TMCC1: variants seen among roughly 807,000 people sequenced by gnomAD.
The protein encoded by TMCC1 is transmembrane and coiled-coil domain family 1.
TMCC1 carries 15 observed loss-of-function variants against 52.4 expected under a neutral mutation model. The ratio of observed to expected loss-of-function variants is 0.29; its 90% CI spans 0.19 to 0.44. The LOEUF is 0.44. TMCC1 is among the 20% of genes least tolerant of loss of function. The probability of loss-of-function intolerance (pLI) is 1.00; values close to 1 mark genes in which losing one functional copy is unlikely to be tolerated. For missense variants in TMCC1, 503 were observed against 806.0 expected (o/e 0.62, Z 4.55); for synonymous variants, 279 against 301.9 (o/e 0.92, Z 0.79).
At chr3:129,853,237 C>T (rs1384665775) in intron 2 of TMCC1, among the ~76,000 whole-genome samples, 3 of 152,046 alleles carry the variant, frequency 2.0e-5, no homozygotes, top group African/African-American at 7.2e-5. Flanking sequence ...CACTGCAGTA[C>T]ATAAACAAAT....
intron 4 of TMCC1, among the ~76,000 whole-genome samples, chr3:129,797,136 T>G (rs2056882575): frequency 6.6e-6 from 1 of 151,938 alleles, no homozygotes; most frequent in Non-Finnish European, 1.5e-5. Flanking sequence ...CCATCCTGGC[T>G]AACACGGTGT....
chr3:129,651,357 A>G lies in TMCC1; in HGVS notation c.*124T>C. Reference sequence around the variant, plus strand: ...TCTTGAAGAAAAAAACATTATTCTAAATGTAAACAGATTCACTCAACTCTT... The same window carrying G: ...TCTTGAAGAAAAAAACATTATTCTAGATGTAAACAGATTCACTCAACTCTT... On this transcript the variant is annotated 3_prime_UTR_variant, in exon 7 of 7. Transcript: ENST00000393238. The surrounding 1 kb of genome is among the most constrained non-coding windows in gnomAD (Gnocchi z 5.1). The G allele has an allele frequency of 9.1e-7, 1 of 1,098,262 alleles. No individual in the cohort carries two copies. The highest frequency in any genetic ancestry group is 1.3e-6 in the Non-Finnish European group (1 of 767,580). The allele number at this position is 1,098,262 out of a possible 1,614,324, so 68.0% of individuals were successfully genotyped here.
intron 4 of TMCC1, among the ~76,000 whole-genome samples, chr3:129,746,004 G>T (rs147608952): frequency 9.2e-4 from 139 of 151,062 alleles, no homozygotes; most frequent in African/African-American, 3.2e-3. Flanking sequence ...TGATCCTCCC[G>T]CCTCAGCCTC....
chr3:129,828,501 A>G lies in TMCC1; in HGVS notation c.-123T>C, dbSNP rs2058755708. The stretch of plus-strand genomic sequence containing the variant: ...CATGCAGCTGTGAGACGAAGGCTTC[A>G]TGCCTATCTAATGTTAAAAACAAAA... On this transcript the variant is annotated 5_prime_UTR_variant, in exon 4 of 7. The change abolishes an upstream ATG in the 5' untranslated region. Coordinates refer to ENST00000393238, the MANE Select transcript of TMCC1 (RefSeq NM_001017395.5). The surrounding 1 kb of genome is among the most constrained non-coding windows in gnomAD (Gnocchi z 4.1). 1.1e-6 allele frequency: 1 copy of G among 871,006 alleles called. No individual in the cohort carries two copies. The highest frequency in any genetic ancestry group is 1.8e-5 in the South Asian group (1 of 54,514). 54.0% of individuals were successfully genotyped at this position (871,006 alleles called of 1,614,324 possible). A position where few individuals can be genotyped will look rare whatever the true frequency, so the allele number is the denominator to read the frequency against.
At chr3:129,749,074 A>G (rs1463153338) in intron 4 of TMCC1, among the ~76,000 whole-genome samples, 1 of 152,162 alleles carries the variant, frequency 6.6e-6, no homozygotes, top group African/African-American at 2.4e-5. Flanking sequence ...TGAGTTGTCA[A>G]TAAGGAAACA....
At chr3:129,802,923 T>G (rs561759747) in intron 4 of TMCC1, among the ~76,000 whole-genome samples, 2 of 152,188 alleles carry the variant, frequency 1.3e-5, no homozygotes, top group African/African-American at 2.4e-5. Context: ...AAAAAGAAAT[T>G]TATTTACAGT....
intron 4 of TMCC1, among the ~76,000 whole-genome samples, chr3:129,783,017 G>C (rs2055664413): frequency 6.6e-6 from 1 of 152,062 alleles, no homozygotes; most frequent in Non-Finnish European, 1.5e-5. Flanking sequence ...TGAGTAACAG[G>C]CAACGTGATT....
At chr3:129,675,159 C>T (rs1296658699) in intron 4 of TMCC1, among the ~76,000 whole-genome samples, 3 of 152,160 alleles carry the variant, frequency 2.0e-5, no homozygotes, top group African/African-American at 7.2e-5. Context: ...TAACTCACTC[C>T]AGATAGACAA....
chr3:129,855,711 G>A (rs573319303), intron 2 of TMCC1, among the ~76,000 whole-genome samples: 4 of 152,272 alleles, frequency 2.6e-5, no homozygotes, highest in African/African-American at 9.6e-5. Context: ...CTATTCTAAA[G>A]CCTGAGTATG....
At chr3:129,835,719 A>G (rs1210605461) in intron 2 of TMCC1, among the ~76,000 whole-genome samples, 3 of 152,216 alleles carry the variant, frequency 2.0e-5, no homozygotes, top group Non-Finnish European at 4.4e-5. Flanking sequence ...GAGTGAGTAC[A>G]TACTGCATAT....
intron 4 of TMCC1, among the ~76,000 whole-genome samples, chr3:129,748,740 C>T (rs965451706): frequency 3.5e-4 from 53 of 152,064 alleles, no homozygotes; most frequent in African/African-American, 3.6e-4. Flanking sequence ...GGGTAGCTCA[C>T]GTCTGTAATC....
intron 4 of TMCC1, among the ~76,000 whole-genome samples, chr3:129,800,508 T>C (rs2057120021): frequency 6.6e-6 from 1 of 152,094 alleles, no homozygotes; most frequent in Non-Finnish European, 1.5e-5. Flanking sequence ...TTTAATTGGA[T>C]CCATTCTGGT....
chr3:129,747,459 T>C (rs1039888828), intron 4 of TMCC1, among the ~76,000 whole-genome samples: 4 of 152,218 alleles, frequency 2.6e-5, no homozygotes, highest in Admixed American at 2.6e-4. Flanking sequence ...ATTTATAAAT[T>C]ACTTCGATAA....
At chr3:129,756,076 C>A (rs1303445077) in intron 4 of TMCC1, among the ~76,000 whole-genome samples, 2 of 148,370 alleles carry the variant, frequency 1.3e-5, no homozygotes, top group Non-Finnish European at 3.0e-5. Flanking sequence ...CCAGCCTGGG[C>A]CACAGAGCAA....
chr3:129,805,425 A>G (rs1304319623), intron 4 of TMCC1, among the ~76,000 whole-genome samples: 1 of 152,180 alleles, frequency 6.6e-6, no homozygotes, highest in Admixed American at 6.5e-5. Flanking sequence ...GGCCTCCTAA[A>G]GTGCCGGGAT....
intron 4 of TMCC1, among the ~76,000 whole-genome samples, chr3:129,736,434 A>C (rs866849674): frequency 6.6e-6 from 1 of 152,216 alleles, no homozygotes. Context: ...GTTAGGCAAA[A>C]ACAAGTCTAG....
intron 2 of TMCC1, among the ~76,000 whole-genome samples, chr3:129,870,607 C>T (rs1336672050): frequency 6.7e-6 from 1 of 149,422 alleles, no homozygotes; most frequent in Non-Finnish European, 1.5e-5. Flanking sequence ...GGCGTGGTGG[C>T]TGGCGCCTGT....
intron 4 of TMCC1, among the ~76,000 whole-genome samples, chr3:129,760,173 T>C (rs892777383): frequency 1.3e-4 from 20 of 152,274 alleles, no homozygotes; most frequent in African/African-American, 4.8e-4. Flanking sequence ...GTGGTACATT[T>C]GTTACAAGAG....
chr3:129,804,608 A>G (rs1048272306), intron 4 of TMCC1, among the ~76,000 whole-genome samples: 3 of 152,244 alleles, frequency 2.0e-5, no homozygotes, highest in Non-Finnish European at 2.9e-5. Flanking sequence ...TTTTGGCTAA[A>G]TTGAAATTTG....
Sources: allele counts gnomAD v4.1 joint callset (sites outside exome capture counted in the v4.1 genomes callset), GRCh38; gene constraint gnomAD v4.1.1; non-coding constraint Gnocchi (gnomAD v3.1); transcripts MANE v1.5; gene names NCBI Gene and HGNC (gene_info 2026-07-23, HGNC 2026-07-21).